The following KIRREL3 variants were observed in gnomAD, a reference collection of about 807,000 sequenced individuals.
The protein encoded by KIRREL3 is kin of IRRE-like protein 3.
In KIRREL3, 36 loss-of-function variants were observed where a neutral mutation model predicts 89.7. The ratio of observed to expected loss-of-function variants is 0.40; its 90% CI spans 0.31 to 0.53. The LOEUF is 0.53. Among genes scored for constraint, KIRREL3 ranks in the 20% least tolerant of loss-of-function variants. The pLI, the probability that KIRREL3 is intolerant of heterozygous loss-of-function variation, is 0.49. For synonymous variants in KIRREL3, 445 were observed against 441.4 expected, an observed-to-expected ratio of 1.01 and a Z score of -0.10; for missense variants, 864 against 1,056.6, an observed-to-expected ratio of 0.82 and a Z score of 2.53.
intron 1 of KIRREL3, among the ~76,000 whole-genome samples, chr11:126,789,353 C>T (rs1354575574): frequency 1.3e-5 from 2 of 152,172 alleles, no homozygotes; most frequent in Non-Finnish European, 2.9e-5. Context: ...TTTCTTCCTT[C>T]CCTGGACCAT....
intron 1 of KIRREL3, among the ~76,000 whole-genome samples, chr11:126,760,238 T>C (rs1168186422): frequency 1.3e-5 from 2 of 152,226 alleles, no homozygotes; most frequent in African/African-American, 4.8e-5. Context: ...TGCAAACTCA[T>C]GATTCCTATT....
rs1288267903 is a variant in KIRREL3 at position 126,687,725 on chromosome 11, A to C, written c.56-124813T>G. Among the ~76,000 whole-genome samples the C allele has an allele frequency of 2.6e-5, 4 of 152,216 alleles. No individual in the cohort carries two copies. Among genetic ancestry groups the C allele is most frequent in the African/African-American group, 9.6e-5 (4 of 41,452 alleles). On this transcript the variant is annotated intron_variant, in intron 1 of 16. Transcript: ENST00000525144. This position sits in a 1 kb window ranked among gnomAD's most constrained non-coding sequence, Gnocchi z 4.6. Reference sequence around the variant, plus strand: ...TTTTGGATGCTGGGGATACAAAGATAAGTGCTCTGAGGCCCCTATTCTCAG... The same window carrying C: ...TTTTGGATGCTGGGGATACAAAGATCAGTGCTCTGAGGCCCCTATTCTCAG...
At chr11:126,793,568 C>T (rs1053210939) in intron 1 of KIRREL3, among the ~76,000 whole-genome samples, 2 of 152,136 alleles carry the variant, frequency 1.3e-5, no homozygotes, top group African/African-American at 4.8e-5. Flanking sequence ...GCTGGGTGGA[C>T]AACTCAGGTC....
At chr11:126,457,185 A>ATGTGTGTGTGTGTG (rs35883463) in intron 6 of KIRREL3, among the ~76,000 whole-genome samples, 17 of 143,026 alleles carry the variant, frequency 1.2e-4, no homozygotes, top group Non-Finnish European at 1.7e-4. Context: ...AAGAGAGATT[A>ATGTGTGTGTGTGTG]TGTGTGTGTG....
chr11:126,995,401 C>A lies in KIRREL3; in HGVS notation c.55+5054G>T. 2.2e-6 allele frequency: 1 copy of A among 452,426 alleles called. No homozygotes were observed. Among genetic ancestry groups the A allele is most frequent in the Non-Finnish European group, 4.5e-6 (1 of 224,114 alleles). The allele number at this position is 452,426 out of a possible 1,614,324, so 28.0% of individuals were successfully genotyped here. ...AACACCCCTCTTCCCAGGCACAGGA[C>A]GAGTTCAGTGCCTCTCTGTTTCTTG... On this transcript the variant is annotated intron_variant, in intron 1 of 16. Transcript: ENST00000525144. The surrounding 1 kb of genome is among the most constrained non-coding windows in gnomAD (Gnocchi z 6.5).
At chr11:126,546,896 T>G (rs1938852169) in intron 2 of KIRREL3, among the ~76,000 whole-genome samples, 1 of 152,184 alleles carries the variant, frequency 6.6e-6, no homozygotes, top group Admixed American at 6.5e-5. Context: ...GATGAGAACA[T>G]AGAGGTCAAG....
Position 126,940,301 on chromosome 11 carries a change from A to G in KIRREL3, c.55+60154T>C, listed in dbSNP as rs1269411579. 1.3e-5 allele frequency: 2 copies of G among 152,212 alleles called. No individual in the cohort carries two copies. Among genetic ancestry groups the G allele is most frequent in the East Asian group, 1.9e-4 (1 of 5,200 alleles). 9.4% of individuals were successfully genotyped at this position (152,212 alleles called of 1,614,324 possible). ...CCTTTTTTTCTAGATTGGAAAAACA[A>G]TAGTTGTTTCTTTTTTCTTTTATTT... is the stretch of plus-strand genomic sequence containing the variant. On this transcript the variant is annotated intron_variant, in intron 1 of 16. Transcript: ENST00000525144. This position sits in a 1 kb window ranked among gnomAD's most constrained non-coding sequence, Gnocchi z 4.6.
rs1037208699 is a variant in KIRREL3 at position 126,576,727 on chromosome 11, C to T, written c.56-13815G>A. ...ATGTATGAGTTCATTAATTTGCTTC[C>T]TTTCTTCTCAGGCACTTAGATTTTT... On this transcript the variant is annotated intron_variant, in intron 1 of 16. Coordinates refer to ENST00000525144, the MANE Select transcript of KIRREL3 (RefSeq NM_032531.4). This position sits in a 1 kb window ranked among gnomAD's most constrained non-coding sequence, Gnocchi z 5.4. Among the ~76,000 whole-genome samples, 1 of 152,190 alleles carries T rather than the reference C, an allele frequency of 6.6e-6. No individual in the cohort carries two copies. Among genetic ancestry groups the T allele is most frequent in the East Asian group, 1.9e-4 (1 of 5,200 alleles).
chr11:126,787,325 T>G (rs1950514401), intron 1 of KIRREL3, among the ~76,000 whole-genome samples: 1 of 152,088 alleles, frequency 6.6e-6, no homozygotes, highest in Non-Finnish European at 1.5e-5. Context: ...CAATTAATAA[T>G]ATAATATTGC....
In KIRREL3 at chr11:126,495,646, C is replaced by T. The variant is rs1465037760; in HGVS notation, c.434-22180G>A. Among the ~76,000 whole-genome samples, 1 of 152,132 alleles carries T rather than the reference C, an allele frequency of 6.6e-6. No homozygotes were observed. Among genetic ancestry groups the T allele is most frequent in the East Asian group, 1.9e-4 (1 of 5,178 alleles). The stretch of plus-strand genomic sequence containing the variant: ...TGTTGTGTCCTCCCTGCTGTGACAC[C>T]AGGTATAAGCAGAAACTTATGGTCA... On this transcript the variant is annotated intron_variant, in intron 4 of 16. Coordinates refer to ENST00000525144, the MANE Select transcript of KIRREL3 (RefSeq NM_032531.4). The surrounding 1 kb of genome is among the most constrained non-coding windows in gnomAD (Gnocchi z 6.5).
intron 1 of KIRREL3, among the ~76,000 whole-genome samples, chr11:126,792,966 A>T (rs796876742): frequency 5.9e-5 from 9 of 152,240 alleles, no homozygotes; most frequent in African/African-American, 1.7e-4. Flanking sequence ...AGGTTCTTCT[A>T]TTGGGGGGTT....
chr11:126,979,263 T>A (rs1949660659), intron 1 of KIRREL3, among the ~76,000 whole-genome samples: 1 of 152,214 alleles, frequency 6.6e-6, no homozygotes, highest in Non-Finnish European at 1.5e-5. Context: ...TTCATTTTAT[T>A]TATTTATTTT....
chr11:126,928,011 G>A (rs1947793283), intron 1 of KIRREL3, among the ~76,000 whole-genome samples: 1 of 152,254 alleles, frequency 6.6e-6, no homozygotes, highest in South Asian at 2.1e-4. Context: ...AATATTTGTT[G>A]AGTGCTCCTG....
intron 1 of KIRREL3, among the ~76,000 whole-genome samples, chr11:126,923,129 C>CTCCTTCTCCTTCTCCTTCTCCTTCT (rs1246765425): frequency 3.9e-5 from 1 of 25,732 alleles, no homozygotes; most frequent in Non-Finnish European, 7.8e-5. Context: ...TCTCCTTCTT[C>CTCCTTCTCCTTCTCCTTCTCCTTCT]TCTTCTTCTT....
chr11:126,769,990 A>T lies in KIRREL3; in HGVS notation c.56-207078T>A, dbSNP rs928621895. ...ATAGTTGTTTTTCCCAGATCCCTGT[A>T]TGGGCGGATGTGCAGATCCCATTAA... On this transcript the variant is annotated intron_variant, in intron 1 of 16. Transcript: ENST00000525144. This position sits in a 1 kb window ranked among gnomAD's most constrained non-coding sequence, Gnocchi z 4.3. Among the ~76,000 whole-genome samples, 5 of 152,072 alleles carry T rather than the reference A, an allele frequency of 3.3e-5. No homozygotes were observed. The highest frequency in any genetic ancestry group is 1.2e-4 in the African/African-American group (5 of 41,380).
chr11:126,846,808 G>A (rs10893589), intron 1 of KIRREL3, among the ~76,000 whole-genome samples: 129,172 of 152,204 alleles, frequency 0.85, 55,021 homozygotes, highest in East Asian at 1. Flanking sequence ...ATTGTTTTAA[G>A]TTAGATAAGA....
chr11:126,598,027 G>T (rs1942481783), intron 1 of KIRREL3, among the ~76,000 whole-genome samples: 1 of 152,198 alleles, frequency 6.6e-6, no homozygotes, highest in African/African-American at 2.4e-5. Flanking sequence ...GAGCAGAGTG[G>T]ACCACACCTC....
chr11:126,850,841 C>G (rs895998009), intron 1 of KIRREL3, among the ~76,000 whole-genome samples: 2 of 152,200 alleles, frequency 1.3e-5, no homozygotes, highest in African/African-American at 4.8e-5. Context: ...CTGGGAGAAA[C>G]CTTCAACTGG....
intron 1 of KIRREL3, among the ~76,000 whole-genome samples, chr11:126,888,409 C>T (rs1371449654): frequency 1.3e-5 from 2 of 151,834 alleles, no homozygotes; most frequent in Non-Finnish European, 1.5e-5. Context: ...AGATTCTTAC[C>T]AGGCTGCCTA....
Sources: gnomAD v4.1 joint callset for allele counts (sites outside exome capture counted in the v4.1 genomes callset) on GRCh38, gnomAD v4.1.1 for gene constraint, Gnocchi (gnomAD v3.1) non-coding constraint, MANE v1.5 for transcripts, NCBI Gene and HGNC (gene_info 2026-07-23, HGNC 2026-07-21) for gene names.